ST8SIA4: variants seen among roughly 807,000 people sequenced by gnomAD.
The protein encoded by ST8SIA4 is ST8 alpha-N-acetyl-neuraminide alpha-2,8-sialyltransferase 4.
In ST8SIA4, 15 loss-of-function variants were observed where a neutral mutation model predicts 33.9. That is an observed-to-expected ratio of 0.44 (90% confidence interval 0.30 to 0.68). The LOEUF is 0.68. Among genes scored for constraint, ST8SIA4 ranks in the 30% least tolerant of loss-of-function variants. The pLI, the probability that ST8SIA4 is intolerant of heterozygous loss-of-function variation, is 0.10. For missense variants in ST8SIA4, 321 were observed against 428.0 expected, an observed-to-expected ratio of 0.75 and a Z score of 2.21; for synonymous variants, 171 against 151.2, an observed-to-expected ratio of 1.13 and a Z score of -0.96.
Position 100,807,362 on chromosome 5 carries a change from C to T in ST8SIA4, c.*4485G>A, listed in dbSNP as rs1750716317. The T allele has an allele frequency of 6.6e-6, 1 of 152,534 alleles. No homozygotes were observed. Among genetic ancestry groups the T allele is most frequent in the Non-Finnish European group, 1.5e-5 (1 of 67,962 alleles). 9.4% of individuals were successfully genotyped at this position (152,534 alleles called of 1,614,324 possible). ...AGTTCCACAAATTCTATAAGAAATACTCAGTAGCAATTATTCTGTGCAGCA... is the reference window on the plus strand; with the variant it reads ...AGTTCCACAAATTCTATAAGAAATATTCAGTAGCAATTATTCTGTGCAGCA... On this transcript the variant is annotated 3_prime_UTR_variant, in exon 5 of 5. Coordinates refer to ENST00000231461, the MANE Select transcript of ST8SIA4 (RefSeq NM_005668.6).
intron 3 of ST8SIA4, among the ~76,000 whole-genome samples, chr5:100,858,511 A>G (rs926179660): frequency 6.6e-6 from 1 of 152,042 alleles, no homozygotes; most frequent in Non-Finnish European, 1.5e-5. Flanking sequence ...ATTACTGTAT[A>G]CTTTTTCTTG....
intron 4 of ST8SIA4, among the ~76,000 whole-genome samples, chr5:100,813,308 T>C (rs1750850910): frequency 6.6e-6 from 1 of 152,144 alleles, no homozygotes; most frequent in South Asian, 2.1e-4. Context: ...AGGGAAAATA[T>C]ACCTGGCCAT....
chr5:100,889,206 T>G (rs1283642908), intron 2 of ST8SIA4, among the ~76,000 whole-genome samples: 1 of 151,978 alleles, frequency 6.6e-6, no homozygotes, highest in African/African-American at 2.4e-5. Context: ...TATATATTTA[T>G]TGAGTACCAC....
At chr5:100,871,828 C>T (rs564229096) in intron 3 of ST8SIA4, among the ~76,000 whole-genome samples, 91 of 152,072 alleles carry the variant, frequency 6.0e-4, no homozygotes, top group African/African-American at 2.1e-3. Flanking sequence ...TGTTAATAGG[C>T]CTATTATTAT....
At chr5:100,895,383 A>C (rs188880563) in intron 2 of ST8SIA4, among the ~76,000 whole-genome samples, 1 of 152,204 alleles carries the variant, frequency 6.6e-6, no homozygotes, top group East Asian at 1.9e-4. Flanking sequence ...AAGTATGTTA[A>C]ATATCAGTAC....
At chr5:100,863,964 T>C (rs1752005677) in intron 3 of ST8SIA4, among the ~76,000 whole-genome samples, 1 of 152,236 alleles carries the variant, frequency 6.6e-6, no homozygotes. Context: ...GAGTGCTTAC[T>C]TGTGAATCCA....
intron 4 of ST8SIA4, among the ~76,000 whole-genome samples, chr5:100,843,099 G>A (rs1195190887): frequency 6.6e-6 from 1 of 151,704 alleles, no homozygotes; most frequent in Non-Finnish European, 1.5e-5. Context: ...ATCCATATAA[G>A]CTATTTACCT....
chr5:100,897,143 A>G (rs1752795416), intron 1 of ST8SIA4, among the ~76,000 whole-genome samples: 4 of 152,200 alleles, frequency 2.6e-5, no homozygotes, highest in African/African-American at 7.2e-5. Flanking sequence ...GACAGAGATT[A>G]TAGTAGAGAG....
intron 4 of ST8SIA4, among the ~76,000 whole-genome samples, chr5:100,838,171 G>A (rs1454418367): frequency 1.3e-5 from 2 of 151,970 alleles, no homozygotes; most frequent in South Asian, 4.1e-4. Context: ...AAGACAGCAC[G>A]ATTTAGGTCT....
chr5:100,857,521 T>C (rs948068966), intron 3 of ST8SIA4, among the ~76,000 whole-genome samples: 11 of 152,090 alleles, frequency 7.2e-5, no homozygotes, highest in African/African-American at 2.6e-4. Context: ...AAACCCTTCA[T>C]GAAAATATGA....
At chr5:100,882,776 G>A (rs1259061998) in intron 3 of ST8SIA4, among the ~76,000 whole-genome samples, 1 of 152,240 alleles carries the variant, frequency 6.6e-6, no homozygotes, top group African/African-American at 2.4e-5. Flanking sequence ...GGCTTCAGAG[G>A]GTGTAAGCCC....
At chr5:100,818,616 G>C (rs1203708049) in intron 4 of ST8SIA4, among the ~76,000 whole-genome samples, 3 of 152,128 alleles carry the variant, frequency 2.0e-5, no homozygotes, top group Non-Finnish European at 2.9e-5. Flanking sequence ...AACTTTAAGA[G>C]GTCAATTGTT....
intron 1 of ST8SIA4, among the ~76,000 whole-genome samples, chr5:100,902,038 A>G (rs1401209472): frequency 6.6e-6 from 1 of 152,184 alleles, no homozygotes; most frequent in Non-Finnish European, 1.5e-5. Flanking sequence ...TCAGGTTCAC[A>G]TCCTCAGAAA....
intron 4 of ST8SIA4, among the ~76,000 whole-genome samples, chr5:100,813,991 G>A (rs971169638): frequency 3.3e-5 from 5 of 151,964 alleles, no homozygotes; most frequent in South Asian, 2.1e-4. Context: ...TTACTTGTAT[G>A]AAACTCCAGA....
chr5:100,856,527 T>A, intron 3 of ST8SIA4, 131 bp from the exon 4 acceptor site: 2 of 839,582 alleles, frequency 2.4e-6, no homozygotes, highest in Non-Finnish European at 3.7e-6. Flanking sequence ...AAAGATCATC[T>A]ACTTGGTAAG....
rs142368447 is a variant in ST8SIA4 at position 100,866,682 on chromosome 5, A to G, written c.504-10286T>C. On this transcript the variant is annotated intron_variant, in intron 3 of 4. Coordinates refer to ENST00000231461, the MANE Select transcript of ST8SIA4 (RefSeq NM_005668.6). Reference sequence around the variant, plus strand: ...AACATTTAAGCCTCATAACAACACAATGAAGTAGTACTACAATCATATGTA... The same window carrying G: ...AACATTTAAGCCTCATAACAACACAGTGAAGTAGTACTACAATCATATGTA... Among the ~76,000 whole-genome samples, 34 of 151,992 alleles carry G rather than the reference A, an allele frequency of 2.2e-4. No homozygotes were observed. The East Asian group carries it at 4.8e-3, about 22-fold the overall frequency.
At position 100,885,666 on chromosome 5, in the gene ST8SIA4, A is replaced by G. The variant is rs73777433; in HGVS notation, c.503+677T>C. 1.9e-3 allele frequency: 1,825 copies of G among 943,868 alleles called. 26 individuals carry two copies. In the African/African-American group the frequency reaches 0.03, roughly 16 times the overall value. 58.5% of individuals were successfully genotyped at this position (943,868 alleles called of 1,614,324 possible). A position where few individuals can be genotyped will look rare whatever the true frequency, so the allele number is the denominator to read the frequency against. On this transcript the variant is annotated intron_variant, in intron 3 of 4. Coordinates refer to ENST00000231461, the MANE Select transcript of ST8SIA4 (RefSeq NM_005668.6). Reference sequence around the variant, plus strand: ...AAAAATTGATCATTAAAAACTGCTTATATTTATGATGTGATTATAATTCCA... The same window carrying G: ...AAAAATTGATCATTAAAAACTGCTTGTATTTATGATGTGATTATAATTCCA...
intron 4 of ST8SIA4, among the ~76,000 whole-genome samples, chr5:100,851,668 ATCTG>A (rs1393177329): frequency 5.3e-5 from 8 of 151,994 alleles, no homozygotes; most frequent in Admixed American, 1.3e-4. Context: ...TTCTCTATCT[ATCTG>A]TCTATCTATA....
At position 100,832,698 on chromosome 5, in the gene ST8SIA4, T is replaced by C. The variant is rs1372057433; in HGVS notation, c.798-20569A>G. On this transcript the variant is annotated intron_variant, in intron 4 of 4. Coordinates refer to ENST00000231461, the MANE Select transcript of ST8SIA4 (RefSeq NM_005668.6). Reference sequence around the variant, plus strand: ...TTGCACAAAGGGTAACAAATTAACCTCTAAAATGTTCTTATAGGCTCCTGT... The same window carrying C: ...TTGCACAAAGGGTAACAAATTAACCCCTAAAATGTTCTTATAGGCTCCTGT... Among the ~76,000 whole-genome samples the C allele has an allele frequency of 2.0e-5, 3 of 152,206 alleles. No individual in the cohort carries two copies. The South Asian group carries it at 6.2e-4, about 32-fold the overall frequency.
Sources: gnomAD v4.1 joint callset for allele counts (sites outside exome capture counted in the v4.1 genomes callset) on GRCh38, gnomAD v4.1.1 for gene constraint, MANE v1.5 for transcripts, NCBI Gene and HGNC (gene_info 2026-07-23, HGNC 2026-07-21) for gene names.